The following TRDN variants were observed in gnomAD, a reference collection of about 807,000 sequenced individuals.
TRDN encodes triadin.
TRDN carries 161 observed loss-of-function variants against 149.7 expected under a neutral mutation model. The ratio of observed to expected loss-of-function variants is 1.08; its 90% CI spans 0.95 to 1.23. The LOEUF is 1.23. Among genes scored for constraint, TRDN ranks in the 50% most tolerant of loss-of-function variants. The probability of loss-of-function intolerance (pLI) is 0.00; values close to 1 mark genes in which losing one functional copy is unlikely to be tolerated. For missense variants in TRDN, 896 were observed against 823.5 expected, an observed-to-expected ratio of 1.09 and a Z score of -1.08; for synonymous variants, 294 against 250.5, an observed-to-expected ratio of 1.17 and a Z score of -1.64.
intron 12 of TRDN, among the ~76,000 whole-genome samples, chr6:123,397,543 C>A (rs982080481): frequency 1.3e-5 from 2 of 152,044 alleles, no homozygotes; most frequent in Non-Finnish European, 1.5e-5. Context: ...GAATATCTAA[C>A]TATAAAAATG....
chr6:123,312,891 T>C (rs1388914902), intron 24 of TRDN, among the ~76,000 whole-genome samples: 1 of 151,986 alleles, frequency 6.6e-6, no homozygotes, highest in Non-Finnish European at 1.5e-5. Context: ...AAATTTTATA[T>C]CACTAAGCAC....
At chr6:123,554,668 A>G (rs1209649055) in intron 2 of TRDN, among the ~76,000 whole-genome samples, 1 of 152,158 alleles carries the variant, frequency 6.6e-6, no homozygotes, top group South Asian at 2.1e-4. Context: ...CCCAATGCCA[A>G]ATGAAACTTC....
intron 2 of TRDN, among the ~76,000 whole-genome samples, chr6:123,561,477 C>G (rs901441471): frequency 3.3e-5 from 5 of 151,966 alleles, no homozygotes; most frequent in African/African-American, 9.7e-5. Flanking sequence ...TTTATTAGGC[C>G]CCAGTCTCAT....
At chr6:123,277,956 C>T (rs746233712) in intron 26 of TRDN, among the ~76,000 whole-genome samples, 2 of 152,130 alleles carry the variant, frequency 1.3e-5, no homozygotes, top group Non-Finnish European at 2.9e-5. Context: ...CTGTAGCCTT[C>T]AGAAATGTTC....
Position 123,393,680 on chromosome 6 carries a change from T to C in TRDN, c.1052-3A>G. Reference sequence around the variant, plus strand: ...GGTTTCAGAAGCTTTTCCCGGCTCTTGGAATGAAAAAAACATAAATTACCA... The same window carrying C: ...GGTTTCAGAAGCTTTTCCCGGCTCTCGGAATGAAAAAAACATAAATTACCA... On this transcript the variant is annotated splice_polypyrimidine_tract_variant and splice_region_variant and intron_variant, in intron 12 of 40. Transcript: ENST00000334268. 6.2e-7 allele frequency: 1 copy of C among 1,602,946 alleles called. No individual in the cohort carries two copies. The highest frequency in any genetic ancestry group is 8.5e-7 in the Non-Finnish European group (1 of 1,173,696).
At chr6:123,225,971 G>T (rs1775344322) in intron 38 of TRDN, among the ~76,000 whole-genome samples, 1 of 151,666 alleles carries the variant, frequency 6.6e-6, no homozygotes, top group Non-Finnish European at 1.5e-5. Context: ...ACTAATAAAT[G>T]AAAAAGGGGT....
intron 5 of TRDN, among the ~76,000 whole-genome samples, chr6:123,530,305 A>G (rs959121354): frequency 6.6e-6 from 1 of 151,322 alleles, no homozygotes; most frequent in Non-Finnish European, 1.5e-5. Context: ...GATTCCATCT[A>G]TTAAATATTA....
At position 123,636,850 on chromosome 6, in the gene TRDN, G is replaced by A. The variant is rs1786350739; in HGVS notation, c.-75C>T. On this transcript the variant is annotated 5_prime_UTR_variant, in exon 1 of 41. Transcript: ENST00000334268. ...CTTTGCAGAGTATTTGGGGATTTGAGAACTCTGGTGGAGGGTTCTGTGTCA... is the reference window on the plus strand; with the variant it reads ...CTTTGCAGAGTATTTGGGGATTTGAAAACTCTGGTGGAGGGTTCTGTGTCA... 7 of 1,569,772 alleles carry A rather than the reference G, an allele frequency of 4.5e-6. No individual in the cohort carries two copies. The Admixed American group carries it at 1.2e-4, about 26-fold the overall frequency.
At chr6:123,275,844 T>C (rs1777350460) in intron 26 of TRDN, among the ~76,000 whole-genome samples, 1 of 152,152 alleles carries the variant, frequency 6.6e-6, no homozygotes, top group Admixed American at 6.6e-5. Context: ...ACTTAGTCCA[T>C]TTTGTGCTGC....
chr6:123,630,668 G>A (rs1162256404), intron 1 of TRDN, among the ~76,000 whole-genome samples: 1 of 151,710 alleles, frequency 6.6e-6, no homozygotes, highest in African/African-American at 2.4e-5. Flanking sequence ...TTATGGGGTG[G>A]GGAGAAAAAT....
At chr6:123,551,374 CA>C (rs1781383691) in intron 2 of TRDN, among the ~76,000 whole-genome samples, 1 of 150,952 alleles carries the variant, frequency 6.6e-6, no homozygotes, top group African/African-American at 2.4e-5. Context: ...CACACACACA[CA>C]CACACTTAAA....
intron 35 of TRDN, among the ~76,000 whole-genome samples, chr6:123,257,865 T>G (rs9482372): frequency 0.6 from 90,760 of 151,846 alleles, 27,559 homozygotes; most frequent in Admixed American, 0.67. Context: ...TTGTAAGTTG[T>G]ATTCCTAGGT....
At chr6:123,301,752 C>CATATATATATATATACATATAT (rs1562252153) in intron 24 of TRDN, among the ~76,000 whole-genome samples, 1 of 77,070 alleles carries the variant, frequency 1.3e-5, no homozygotes, top group African/African-American at 4.4e-5. Context: ...TATATATATA[C>CATATATATATATATACATATAT]ATATATATAT....
At chr6:123,453,644 T>C (rs1464345002) in intron 10 of TRDN, among the ~76,000 whole-genome samples, 1 of 152,176 alleles carries the variant, frequency 6.6e-6, no homozygotes, top group East Asian at 1.9e-4. Context: ...GGAACACTTC[T>C]ACACTGCTGG....
chr6:123,508,506 A>G (rs1213620684), intron 7 of TRDN, among the ~76,000 whole-genome samples: 1 of 152,202 alleles, frequency 6.6e-6, no homozygotes, highest in African/African-American at 2.4e-5. Flanking sequence ...TCACACTGAC[A>G]TCCACATCAA....
At chr6:123,616,552 G>A (rs1785092976) in intron 1 of TRDN, among the ~76,000 whole-genome samples, 2 of 152,016 alleles carry the variant, frequency 1.3e-5, no homozygotes, top group African/African-American at 2.4e-5. Flanking sequence ...CATTTATACT[G>A]TGTAAATGCT....
At chr6:123,232,404 G>C (rs910219520) in intron 38 of TRDN, among the ~76,000 whole-genome samples, 10 of 151,946 alleles carry the variant, frequency 6.6e-5, no homozygotes, top group African/African-American at 2.4e-4. Flanking sequence ...GCAGAAATGG[G>C]GGCAGATATC....
At chr6:123,350,701 T>A in intron 21 of TRDN, 1 of 823,978 alleles carries the variant, frequency 1.2e-6, no homozygotes, top group Non-Finnish European at 1.5e-6. Context: ...CCAAATATAT[T>A]ATTTCCTATG....
At chr6:123,580,203 A>T (rs1399960432) in intron 1 of TRDN, among the ~76,000 whole-genome samples, 1 of 152,082 alleles carries the variant, frequency 6.6e-6, no homozygotes, top group Non-Finnish European at 1.5e-5. Flanking sequence ...AGAGCTCGTT[A>T]TTGGTCTTTG....
Sources: allele counts gnomAD v4.1 joint callset (sites outside exome capture counted in the v4.1 genomes callset), GRCh38; gene constraint gnomAD v4.1.1; transcripts MANE v1.5; gene names NCBI Gene and HGNC (gene_info 2026-07-23, HGNC 2026-07-21).